The following CPXM2 variants were observed in gnomAD, a reference collection of about 807,000 sequenced individuals.
The protein encoded by CPXM2 is carboxypeptidase X, M14 family member 2.
Under a neutral mutation model 86.1 loss-of-function variants are expected in CPXM2, and 66 were observed. That is an observed-to-expected ratio of 0.77 (90% CI 0.63 to 0.94). The LOEUF is 0.94. CPXM2 is among the 40% of genes least tolerant of loss of function. The pLI, the probability that CPXM2 is intolerant of heterozygous loss-of-function variation, is 0.00. For missense variants in CPXM2, 948 were observed against 1,026.3 expected (o/e 0.92, Z 1.04); for synonymous variants, 388 against 400.2 (o/e 0.97, Z 0.36).
chr10:123,806,888 C>A (rs747909238), intron 4 of CPXM2, among the ~76,000 whole-genome samples: 1 of 152,142 alleles, frequency 6.6e-6, no homozygotes, highest in Non-Finnish European at 1.5e-5. Context: ...GTAGGGATTA[C>A]AATTCAAGAT....
intron 2 of CPXM2, among the ~76,000 whole-genome samples, chr10:123,939,008 C>A (rs1273646196): frequency 6.6e-6 from 1 of 152,118 alleles, no homozygotes; most frequent in Non-Finnish European, 1.5e-5. Flanking sequence ...CACAGCCAGA[C>A]TCACCCCTCT....
intron 2 of CPXM2, 146 bp downstream of exon 2, chr10:123,880,065 C>A (rs1016256604): frequency 1.7e-6 from 1 of 582,288 alleles, no homozygotes; most frequent in Non-Finnish European, 3.1e-6. Context: ...CGCCCCCGCA[C>A]CATGGATCGG....
intron 2 of CPXM2, among the ~76,000 whole-genome samples, chr10:123,900,202 C>T (rs1409634510): frequency 1.3e-5 from 2 of 152,088 alleles, no homozygotes; most frequent in East Asian, 3.9e-4. Context: ...CCACCATGCC[C>T]AGAAAATTTT....
At chr10:123,923,744 A>T (rs1477667978) in intron 2 of CPXM2, among the ~76,000 whole-genome samples, 2 of 152,160 alleles carry the variant, frequency 1.3e-5, no homozygotes, top group Non-Finnish European at 2.9e-5. Flanking sequence ...TAATTGAATC[A>T]TAGGGGTGGT....
chr10:123,748,403 C>G (rs1279166500), intron 13 of CPXM2, among the ~76,000 whole-genome samples: 2 of 152,166 alleles, frequency 1.3e-5, no homozygotes, highest in Non-Finnish European at 2.9e-5. Context: ...AAATATACGT[C>G]TCCCACATAC....
At chr10:123,878,926 C>T (rs149838136) in intron 2 of CPXM2, among the ~76,000 whole-genome samples, 3 of 152,034 alleles carry the variant, frequency 2.0e-5, no homozygotes, top group East Asian at 1.9e-4. Context: ...CCTATTACCC[C>T]CCATCTAGAG....
At position 123,865,554 on chromosome 10, in the gene CPXM2, C is replaced by T. The variant is rs1463442215; in HGVS notation, c.404-2831G>A. ...AGCAGAACAGTGGATTCCAATGACACTGTCCACCTCCTATCACACCTCTGA... is the reference window on the plus strand; with the variant it reads ...AGCAGAACAGTGGATTCCAATGACATTGTCCACCTCCTATCACACCTCTGA... On this transcript the variant is annotated intron_variant, in intron 2 of 13. Transcript: ENST00000241305. This position sits in a 1 kb window ranked among gnomAD's most constrained non-coding sequence, Gnocchi z 4.7. Among the ~76,000 whole-genome samples, 1 of 152,194 alleles carries T rather than the reference C, an allele frequency of 6.6e-6. No individual in the cohort carries two copies. The highest frequency in any genetic ancestry group is 1.9e-4 in the East Asian group (1 of 5,172).
intron 2 of CPXM2, among the ~76,000 whole-genome samples, chr10:123,874,291 G>C (rs931744184): frequency 6.6e-6 from 1 of 152,170 alleles, no homozygotes; most frequent in East Asian, 1.9e-4. Context: ...GAAAGGCCAA[G>C]GGAGCTCTTG....
intron 13 of CPXM2, chr10:123,750,311 A>C: frequency 1.0e-6 from 1 of 984,782 alleles, no homozygotes; most frequent in Non-Finnish European, 1.2e-6. Flanking sequence ...AACCCAACGC[A>C]GGTCCTGGGG....
intron 2 of CPXM2, chr10:123,939,402 A>AC (rs1401743008): frequency 2.0e-5 from 3 of 152,218 alleles, no homozygotes; most frequent in African/African-American, 7.2e-5. Context: ...TGGTGGCTCT[A>AC]AGCGAGGGGA....
At chr10:123,752,190 T>A in intron 13 of CPXM2, 4 of 985,400 alleles carry the variant, frequency 4.1e-6, no homozygotes, top group Non-Finnish European at 4.8e-6. Context: ...CTCTGCGTGG[T>A]CTCTGGCACA....
Position 123,751,613 on chromosome 10 carries a change from A to C in CPXM2, c.2017+3050T>G, listed in dbSNP as rs138607220. ...GGTGAGCCGGGTGTCTGTCCAACAT[A>C]CTGATATGCATCTAACTCAAAGCAT... On this transcript the variant is annotated intron_variant, in intron 13 of 13. Transcript: ENST00000241305. 1.9e-3 allele frequency: 1,896 copies of C among 985,350 alleles called. 6 individuals carry two copies. Among genetic ancestry groups the C allele is most frequent in the Middle Eastern group, 0.011 (21 of 1,914 alleles). 61.0% of individuals were successfully genotyped at this position (985,350 alleles called of 1,614,324 possible).
At chr10:123,769,603 G>A (rs1379822936) in intron 8 of CPXM2, 1 of 152,090 alleles carries the variant, frequency 6.6e-6, no homozygotes, top group Admixed American at 6.6e-5. Context: ...AAAAATAAAA[G>A]AGGTGGTGCC....
chr10:123,928,797 G>A (rs767378765), intron 2 of CPXM2, among the ~76,000 whole-genome samples: 1 of 152,240 alleles, frequency 6.6e-6, no homozygotes, highest in African/African-American at 2.4e-5. Context: ...AGCCTTTGAG[G>A]CTTCCCAGAC....
At chr10:123,760,138 GA>G (rs1482991712) in intron 11 of CPXM2, among the ~76,000 whole-genome samples, 1 of 152,044 alleles carries the variant, frequency 6.6e-6, no homozygotes, top group Non-Finnish European at 1.5e-5. Context: ...ATAATGGATA[GA>G]AAAAAAATCA....
intron 4 of CPXM2, among the ~76,000 whole-genome samples, chr10:123,820,080 G>A (rs974338461): frequency 6.6e-6 from 1 of 152,212 alleles, no homozygotes; most frequent in Non-Finnish European, 1.5e-5. Context: ...CAGACTCCAA[G>A]TTCTTCAGTT....
At chr10:123,826,639 T>C (rs1267373260) in intron 4 of CPXM2, among the ~76,000 whole-genome samples, 1 of 152,128 alleles carries the variant, frequency 6.6e-6, no homozygotes, top group African/African-American at 2.4e-5. Flanking sequence ...TTTATGACTA[T>C]AAAATTAGAG....
At position 123,801,675 on chromosome 10, in the gene CPXM2, AT is replaced by A. The variant is rs1847462988; in HGVS notation, c.654-2477del. On this transcript the variant is annotated intron_variant, in intron 4 of 13. Coordinates refer to ENST00000241305, the MANE Select transcript of CPXM2 (RefSeq NM_198148.3). The stretch of plus-strand genomic sequence containing the variant: ...TAGCTCTTATTTTAAGTATTCTTAT[AT>A]TAAATATTGTGCTATCTTAGTATTA... Among the ~76,000 whole-genome samples the A allele has an allele frequency of 3.3e-5, 5 of 152,274 alleles. No individual in the cohort carries two copies. The South Asian group carries it at 1.0e-3, about 32-fold the overall frequency.
chr10:123,769,605 G>T (rs192554802), intron 8 of CPXM2: 1 of 152,070 alleles, frequency 6.6e-6, no homozygotes, highest in African/African-American at 2.4e-5. Context: ...AAATAAAAGA[G>T]GTGGTGCCTT....
Sources: allele counts gnomAD v4.1 joint callset (sites outside exome capture counted in the v4.1 genomes callset), GRCh38; gene constraint gnomAD v4.1.1; non-coding constraint Gnocchi (gnomAD v3.1); transcripts MANE v1.5; gene names NCBI Gene and HGNC (gene_info 2026-07-23, HGNC 2026-07-21).